Variants in LRRC1 observed in about 807,000 individuals in gnomAD.
The protein encoded by LRRC1 is leucine rich repeat containing 1.
In LRRC1, 28 loss-of-function variants were observed where a neutral mutation model predicts 69.9. The observed-to-expected ratio is 0.40, with a 90% CI of 0.30 to 0.55. LRRC1 has a LOEUF of 0.55. LRRC1 is among the 20% of genes least tolerant of loss of function. The pLI, the probability that LRRC1 is intolerant of heterozygous loss-of-function variation, is 0.47. For synonymous variants in LRRC1, 236 were observed against 240.2 expected (o/e 0.98, Z 0.16); for missense variants, 498 against 609.0 (o/e 0.82, Z 1.92).
chr6:53,875,260 C>T (rs1767027255), intron 2 of LRRC1, among the ~76,000 whole-genome samples: 1 of 151,994 alleles, frequency 6.6e-6, no homozygotes, highest in Non-Finnish European at 1.5e-5. Flanking sequence ...ACCTAAATGC[C>T]CAACAATGGA....
intron 11 of LRRC1, among the ~76,000 whole-genome samples, chr6:53,917,430 T>C (rs1253965539): frequency 2.6e-5 from 4 of 152,230 alleles, no homozygotes; most frequent in Non-Finnish European, 5.9e-5. Flanking sequence ...AGTTGAAATA[T>C]GTTGATAAGA....
At position 53,826,137 on chromosome 6, in the gene LRRC1, C is replaced by A. The variant is rs189453264; in HGVS notation, c.160-15973C>A. ...TAGGGCTGCCACCTACTCCTGCCAG[C>A]CCCCTGCCTACGTGTGGGCTTGCTG... On this transcript the variant is annotated intron_variant, in intron 1 of 13. Coordinates refer to ENST00000370888, the MANE Select transcript of LRRC1 (RefSeq NM_018214.5). 1.5e-3 allele frequency among the ~76,000 whole-genome samples: 232 copies of A among 151,528 alleles called. 1 individual carries two copies. The highest frequency in any genetic ancestry group is 5.2e-3 in the African/African-American group (215 of 41,310).
intron 1 of LRRC1, among the ~76,000 whole-genome samples, chr6:53,798,034 G>A (rs937765118): frequency 1.3e-5 from 2 of 152,134 alleles, no homozygotes; most frequent in African/African-American, 4.8e-5. Context: ...TTATTTACAA[G>A]TTATTGGGAA....
intron 2 of LRRC1, among the ~76,000 whole-genome samples, chr6:53,861,786 A>G (rs1462722168): frequency 1.3e-5 from 2 of 151,920 alleles, no homozygotes; most frequent in Non-Finnish European, 2.9e-5. Flanking sequence ...TGAATGACTC[A>G]TTCAGCCTGT....
intron 4 of LRRC1, among the ~76,000 whole-genome samples, chr6:53,890,585 A>G (rs1048990617): frequency 2.0e-5 from 3 of 152,180 alleles, no homozygotes; most frequent in Non-Finnish European, 4.4e-5. Context: ...TTTGAAAACT[A>G]TTACCATATT....
intron 4 of LRRC1, among the ~76,000 whole-genome samples, chr6:53,892,307 T>C: frequency 6.6e-6 from 1 of 152,176 alleles, no homozygotes; most frequent in East Asian, 1.9e-4. Flanking sequence ...CCAGTATTAT[T>C]ATTATTAGTA....
chr6:53,877,610 C>G lies in LRRC1; in HGVS notation c.278-1383C>G, dbSNP rs561100578. Among the ~76,000 whole-genome samples the G allele has an allele frequency of 1.8e-4, 27 of 152,290 alleles. No homozygotes were observed. The South Asian group carries it at 5.6e-3, about 32-fold the overall frequency. The stretch of plus-strand genomic sequence containing the variant: ...CACCAGATACCTATATCATCTCTCT[C>G]AAGTTCAAAGTTCCACAAATCTCTA... On this transcript the variant is annotated intron_variant, in intron 2 of 13. Coordinates refer to ENST00000370888, the MANE Select transcript of LRRC1 (RefSeq NM_018214.5).
In LRRC1 at chr6:53,907,230, T is replaced by G. The variant is rs532775445; in HGVS notation, c.990+2768T>G. On this transcript the variant is annotated intron_variant, in intron 10 of 13. Coordinates refer to ENST00000370888, the MANE Select transcript of LRRC1 (RefSeq NM_018214.5). ...TATTGCTTTCTCTTGAACAGTTAAG[T>G]TGCATACATATCTAAACTGAAATGC... 7.2e-5 allele frequency among the ~76,000 whole-genome samples: 11 copies of G among 152,360 alleles called. No individual in the cohort carries two copies. The East Asian group carries it at 2.1e-3, about 29-fold the overall frequency.
chr6:53,870,255 C>T (rs1766838702), intron 2 of LRRC1, among the ~76,000 whole-genome samples: 1 of 152,154 alleles, frequency 6.6e-6, no homozygotes, highest in African/African-American at 2.4e-5. Flanking sequence ...TCTCGGTTGG[C>T]CCATCTTCTC....
Position 53,795,075 on chromosome 6 carries a change from C to G in LRRC1, c.-182C>G, listed in dbSNP as rs926947035. 8.1e-5 allele frequency: 44 copies of G among 546,574 alleles called. No homozygotes were observed. The Middle Eastern group carries it at 1.5e-3, about 18-fold the overall frequency. 33.9% of individuals were successfully genotyped at this position (546,574 alleles called of 1,614,324 possible). On this transcript the variant is annotated 5_prime_UTR_variant, in exon 1 of 14. Transcript: ENST00000370888. ...CGGGGGTACAGGGACGGGGCAGGGG[C>G]TCCCGCTCCAGGTTCCTTGAAGCAC...
At position 53,797,548 on chromosome 6, in the gene LRRC1, CCT is replaced by C. The variant is rs570501376; in HGVS notation, c.159+2134_159+2135del. ...GTCTCTGCTGCTCCTGCTCCAAACC[CCT>C]GTCTCCTTACCTGCCACACACAAGC... On this transcript the variant is annotated intron_variant, in intron 1 of 13. Transcript: ENST00000370888. Among the ~76,000 whole-genome samples the C allele has an allele frequency of 2.0e-4, 30 of 152,284 alleles. No individual in the cohort carries two copies. In the South Asian group the frequency reaches 6.0e-3, roughly 31 times the overall value.
At position 53,845,450 on chromosome 6, in the gene LRRC1, G is replaced by A. The variant is rs531446073; in HGVS notation, c.277+3223G>A. 2.0e-5 allele frequency among the ~76,000 whole-genome samples: 3 copies of A among 152,286 alleles called. No homozygotes were observed. In the East Asian group the frequency reaches 5.8e-4, roughly 29 times the overall value. Reference sequence around the variant, plus strand: ...CGATGTGAGAACCTGACTTTGTACAGGTGCAGGCATTTGTGAGGTTTGCGG... The same window carrying A: ...CGATGTGAGAACCTGACTTTGTACAAGTGCAGGCATTTGTGAGGTTTGCGG... On this transcript the variant is annotated intron_variant, in intron 2 of 13. Transcript: ENST00000370888.
At chr6:53,819,446 T>TG (rs375599138) in intron 1 of LRRC1, among the ~76,000 whole-genome samples, 106 of 152,242 alleles carry the variant, frequency 7.0e-4, no homozygotes, top group Middle Eastern at 3.4e-3. Context: ...ACTTACTAAG[T>TG]GAATACATAG....
chr6:53,873,292 T>TC (rs1227967093), intron 2 of LRRC1, among the ~76,000 whole-genome samples: 4 of 150,504 alleles, frequency 2.7e-5, no homozygotes, highest in East Asian at 1.9e-4. Flanking sequence ...GATTTTTCTT[T>TC]TTTTTTTTTT....
chr6:53,913,868 C>T lies in LRRC1; in HGVS notation c.1005C>T (p.Cys335=). 6.3e-7 allele frequency: 1 copy of T among 1,596,266 alleles called. No individual in the cohort carries two copies. Among genetic ancestry groups the T allele is most frequent in the Non-Finnish European group, 8.6e-7 (1 of 1,168,150 alleles). ...TCTCACCATAGATCGGCGGGTGCTGCAGCCTCACTGTGTTCTGTGTACGTG... is the reference window on the plus strand; with the variant it reads ...TCTCACCATAGATCGGCGGGTGCTGTAGCCTCACTGTGTTCTGTGTACGTG... ...VSLPKEIGGC[C]SLTVFCVRDN... Residue 335 remains cysteine (C), a synonymous_variant, in exon 11 of 14, where the codon TGC becomes TGT. Coordinates refer to ENST00000370888, the MANE Select transcript of LRRC1 (RefSeq NM_018214.5).
chr6:53,881,455 A>G (rs528357386), intron 3 of LRRC1, among the ~76,000 whole-genome samples: 1 of 152,346 alleles, frequency 6.6e-6, no homozygotes, highest in East Asian at 1.9e-4. Context: ...ATAAAATGAT[A>G]TATGCTTTCT....
intron 4 of LRRC1, among the ~76,000 whole-genome samples, chr6:53,895,245 G>A (rs1162286677): frequency 5.9e-5 from 9 of 152,084 alleles, no homozygotes; most frequent in Non-Finnish European, 1.0e-4. Context: ...AAAAGAAATT[G>A]AAAGTTTTGT....
At chr6:53,890,662 AT>A (rs1418350319) in intron 4 of LRRC1, among the ~76,000 whole-genome samples, 1 of 152,170 alleles carries the variant, frequency 6.6e-6, no homozygotes, top group Non-Finnish European at 1.5e-5. Context: ...AAAAATAAAG[AT>A]TTTTTAAAAA....
chr6:53,795,197 C>T lies in LRRC1; in HGVS notation c.-60C>T. Reference sequence around the variant, plus strand: ...GACTGAGCGGAGCCGCCGGCCAGAGCGGGCTCGGAGCCCGGGTCTCCGCCG... The same window carrying T: ...GACTGAGCGGAGCCGCCGGCCAGAGTGGGCTCGGAGCCCGGGTCTCCGCCG... On this transcript the variant is annotated 5_prime_UTR_variant, in exon 1 of 14. Coordinates refer to ENST00000370888, the MANE Select transcript of LRRC1 (RefSeq NM_018214.5). 1.4e-6 allele frequency: 2 copies of T among 1,477,294 alleles called. No homozygotes were observed. Among genetic ancestry groups the T allele is most frequent in the Non-Finnish European group, 9.0e-7 (1 of 1,107,688 alleles). 91.5% of individuals were successfully genotyped at this position (1,477,294 alleles called of 1,614,324 possible).
Sources: gnomAD v4.1 joint callset for allele counts (sites outside exome capture counted in the v4.1 genomes callset) on GRCh38, gnomAD v4.1.1 for gene constraint, MANE v1.5 for transcripts, NCBI Gene and HGNC (gene_info 2026-07-23, HGNC 2026-07-21) for gene names.